The following STAT4 variants were observed in gnomAD, a reference collection of about 807,000 sequenced individuals.
The protein encoded by STAT4 is signal transducer and activator of transcription 4.
STAT4 carries 42 observed loss-of-function variants against 110.5 expected under a neutral mutation model. That is an observed-to-expected ratio of 0.38 (90% CI 0.30 to 0.49). The LOEUF (loss-of-function observed/expected upper bound fraction) is 0.49, where lower values mean the gene tolerates loss of function less well. STAT4 is among the 20% of genes least tolerant of loss of function. The pLI is 0.95. For missense variants in STAT4, 632 were observed against 887.9 expected (o/e 0.71, Z 3.66); for synonymous variants, 284 against 302.2 (o/e 0.94, Z 0.63).
intron 14 of STAT4, among the ~76,000 whole-genome samples, chr2:191,047,352 T>A (rs1457260233): frequency 6.6e-6 from 1 of 152,206 alleles, no homozygotes; most frequent in Non-Finnish European, 1.5e-5. Flanking sequence ...GAGGAGGGAA[T>A]TGTGGGAACC....
At chr2:191,052,284 A>G (rs938531805) in intron 14 of STAT4, among the ~76,000 whole-genome samples, 18 of 152,192 alleles carry the variant, frequency 1.2e-4, no homozygotes, top group Non-Finnish European at 2.4e-4. Context: ...CACACAAGAC[A>G]CGGTTCAATC....
At chr2:191,056,424 T>A (rs999290241) in intron 13 of STAT4, among the ~76,000 whole-genome samples, 1 of 152,174 alleles carries the variant, frequency 6.6e-6, no homozygotes, top group Non-Finnish European at 1.5e-5. Context: ...CAAGGTGAAC[T>A]GTGTACAGCA....
At position 191,058,870 on chromosome 2, in the gene STAT4, TATAA is replaced by T; in HGVS notation, c.1035-105_1035-102del. ...ATTTAAATATACTATGAAATATGCA[TATAA>T]ATAAACCTTACATTATCTACAGTTA... On this transcript the variant is annotated intron_variant, in intron 10 of 23. Transcript: ENST00000392320. The surrounding 1 kb of genome is among the most constrained non-coding windows in gnomAD (Gnocchi z 4.3). 3.0e-6 allele frequency: 2 copies of T among 668,840 alleles called. No homozygotes were observed. The highest frequency in any genetic ancestry group is 5.1e-6 in the Non-Finnish European group (2 of 390,666). 41.4% of individuals were successfully genotyped at this position (668,840 alleles called of 1,614,324 possible).
intron 3 of STAT4, among the ~76,000 whole-genome samples, chr2:191,095,168 G>C (rs1396072834): frequency 6.6e-6 from 1 of 152,034 alleles, no homozygotes; most frequent in Admixed American, 6.6e-5. Context: ...TTTAAAGTTG[G>C]AGACTTTAAC....
chr2:191,034,422 C>CA (rs375344996), intron 18 of STAT4, 126 bp downstream of exon 18: 46,891 of 507,972 alleles, frequency 0.092, 14 homozygotes, highest in East Asian at 0.12. Context: ...GACTCTATCT[C>CA]AAAAAAAAAA....
chr2:191,075,477 A>T (rs973569951), intron 4 of STAT4, among the ~76,000 whole-genome samples: 13 of 152,198 alleles, frequency 8.5e-5, no homozygotes, highest in African/African-American at 3.1e-4. Flanking sequence ...ACTGGTTTAC[A>T]CTGTGAGGTA....
chr2:191,103,759 A>G (rs1012051981), intron 3 of STAT4, among the ~76,000 whole-genome samples: 1 of 152,148 alleles, frequency 6.6e-6, no homozygotes, highest in Non-Finnish European at 1.5e-5. Flanking sequence ...AACATACACT[A>G]CAGTTTGTGG....
intron 6 of STAT4, among the ~76,000 whole-genome samples, chr2:191,067,260 A>G (rs1366007937): frequency 6.6e-6 from 1 of 152,086 alleles, no homozygotes; most frequent in South Asian, 2.1e-4. Flanking sequence ...TGACACCCCA[A>G]AATAATGGAA....
intron 3 of STAT4, among the ~76,000 whole-genome samples, chr2:191,108,083 G>A (rs1420573067): frequency 6.6e-6 from 1 of 152,040 alleles, no homozygotes; most frequent in African/African-American, 2.4e-5. Context: ...CTGAGGTCAG[G>A]AGTTCAAGAC....
In STAT4 at chr2:191,113,638, C is replaced by T. The variant is rs930118245; in HGVS notation, c.273+32975G>A. On this transcript the variant is annotated intron_variant, in intron 3 of 23. Coordinates refer to ENST00000392320, the MANE Select transcript of STAT4 (RefSeq NM_003151.4). This position sits in a 1 kb window ranked among gnomAD's most constrained non-coding sequence, Gnocchi z 4.8. Reference sequence around the variant, plus strand: ...GCCAAATTTGTCTTTTGTCATCATGCGGAAGAAAGATTAAAAAGGTTAAAG... The same window carrying T: ...GCCAAATTTGTCTTTTGTCATCATGTGGAAGAAAGATTAAAAAGGTTAAAG... Among the ~76,000 whole-genome samples, 2 of 151,898 alleles carry T rather than the reference C, an allele frequency of 1.3e-5. No homozygotes were observed. The highest frequency in any genetic ancestry group is 4.8e-5 in the African/African-American group (2 of 41,316).
intron 3 of STAT4, among the ~76,000 whole-genome samples, chr2:191,081,112 T>C (rs921258734): frequency 5.9e-5 from 9 of 152,172 alleles, no homozygotes. Flanking sequence ...TGTTCTTGTG[T>C]TAGTTTGCTG....
chr2:191,069,378 G>A (rs73981222), intron 6 of STAT4, among the ~76,000 whole-genome samples: 236 of 152,046 alleles, frequency 1.6e-3, no homozygotes, highest in African/African-American at 5.5e-3. Context: ...GATTCTATAG[G>A]AGAAGGTTTT....
In STAT4 at chr2:191,031,401, T is replaced by A. The variant is rs1252607729; in HGVS notation, c.2111+49A>T. ...CTCTGCTCTACCTTTAAATCTCCTA[T>A]AGGAAAGCTTTTTATAAAAATATTT... On this transcript the variant is annotated intron_variant, in intron 22 of 23. Coordinates refer to ENST00000392320, the MANE Select transcript of STAT4 (RefSeq NM_003151.4). The surrounding 1 kb of genome is among the most constrained non-coding windows in gnomAD (Gnocchi z 4.8). 6.3e-7 allele frequency: 1 copy of A among 1,575,626 alleles called. No homozygotes were observed. The highest frequency in any genetic ancestry group is 8.7e-7 in the Non-Finnish European group (1 of 1,152,734).
chr2:191,133,098 G>T (rs1166439259), intron 3 of STAT4, among the ~76,000 whole-genome samples: 3 of 150,402 alleles, frequency 2.0e-5, no homozygotes, highest in Non-Finnish European at 4.4e-5. Context: ...TTTCTTTTGG[G>T]AAAAAATATT....
At chr2:191,088,906 C>T (rs546590044) in intron 3 of STAT4, among the ~76,000 whole-genome samples, 1 of 152,304 alleles carries the variant, frequency 6.6e-6, no homozygotes, top group African/African-American at 2.4e-5. Context: ...AGACACTGAC[C>T]TTTCACCTCC....
At position 191,061,051 on chromosome 2, in the gene STAT4, G is replaced by T. The variant is rs1004832798; in HGVS notation, c.1034+678C>A. 6.6e-6 allele frequency among the ~76,000 whole-genome samples: 1 copy of T among 152,154 alleles called. No homozygotes were observed. The highest frequency in any genetic ancestry group is 2.4e-5 in the African/African-American group (1 of 41,424). On this transcript the variant is annotated intron_variant, in intron 10 of 23. Coordinates refer to ENST00000392320, the MANE Select transcript of STAT4 (RefSeq NM_003151.4). This position sits in a 1 kb window ranked among gnomAD's most constrained non-coding sequence, Gnocchi z 6.2. ...GCATGATGAGAACCTTTGAAAGTAAGAACTCAAACTCATTGTTCTCAGCAT... is the reference window on the plus strand; with the variant it reads ...GCATGATGAGAACCTTTGAAAGTAATAACTCAAACTCATTGTTCTCAGCAT...
intron 4 of STAT4, 132 bp from the exon 5 acceptor site, chr2:191,073,322 T>C: frequency 1.5e-6 from 1 of 689,042 alleles, no homozygotes; most frequent in South Asian, 2.1e-5. Flanking sequence ...TAAAAAATCA[T>C]GCTGTAAAAA....
At position 191,055,987 on chromosome 2, in the gene STAT4, T is replaced by A. The variant is rs150634434; in HGVS notation, c.1207-1453A>T. On this transcript the variant is annotated intron_variant, in intron 13 of 23. Transcript: ENST00000392320. ...GTGCTAGTTACAAGGATGTTTATAATACATTATTCTTTATTACATTTTATT... is the reference window on the plus strand; with the variant it reads ...GTGCTAGTTACAAGGATGTTTATAAAACATTATTCTTTATTACATTTTATT... 1.4e-3 allele frequency among the ~76,000 whole-genome samples: 215 copies of A among 152,332 alleles called. 1 individual carries two copies. Among genetic ancestry groups the A allele is most frequent in the Admixed American group, 0.011 (163 of 15,308 alleles).
chr2:191,054,339 C>T (rs2125206492), intron 14 of STAT4, 151 bp downstream of exon 14: 2 of 624,104 alleles, frequency 3.2e-6, no homozygotes, highest in Admixed American at 3.3e-5. Flanking sequence ...AAAACTTCCT[C>T]ATATTGTCTG....
Sources: allele counts gnomAD v4.1 joint callset (sites outside exome capture counted in the v4.1 genomes callset), GRCh38; gene constraint gnomAD v4.1.1; non-coding constraint Gnocchi (gnomAD v3.1); transcripts MANE v1.5; gene names NCBI Gene and HGNC (gene_info 2026-07-23, HGNC 2026-07-21).